The following MYOF variants were observed in gnomAD, a reference collection of about 807,000 sequenced individuals.
The protein encoded by MYOF is fer-1-like 3, myoferlin.
In MYOF, 244 loss-of-function variants were observed where a neutral mutation model predicts 284.2. The observed-to-expected ratio is 0.86, with a 90% CI of 0.77 to 0.95. The LOEUF is 0.95. Among genes scored for constraint, MYOF ranks in the 40% least tolerant of loss-of-function variants. The probability of loss-of-function intolerance (pLI) is 0.00; values close to 1 mark genes in which losing one functional copy is unlikely to be tolerated. For missense variants in MYOF, 2,496 were observed against 2,560.6 expected (o/e 0.97, Z 0.54); for synonymous variants, 904 against 919.7 (o/e 0.98, Z 0.31).
intron 3 of MYOF, among the ~76,000 whole-genome samples, chr10:93,445,319 T>C (rs1005200072): frequency 2.0e-5 from 3 of 152,098 alleles, no homozygotes; most frequent in Non-Finnish European, 2.9e-5. Flanking sequence ...TCATATGAGG[T>C]GTGTGTGAGG....
chr10:93,478,157 A>C, intron 1 of MYOF: 1 of 273,196 alleles, frequency 3.7e-6, no homozygotes, highest in Non-Finnish European at 7.2e-6. Context: ...ATATTATTTA[A>C]AATTAAAAAG....
chr10:93,479,690 T>C lies in MYOF; in HGVS notation c.88+2417A>G, dbSNP rs115934626. Among the ~76,000 whole-genome samples, 454 of 152,316 alleles carry C rather than the reference T, an allele frequency of 3.0e-3. 6 individuals carry two copies. The highest frequency in any genetic ancestry group is 0.01 in the African/African-American group (429 of 41,568). ...CTGAGAAATTGGAGACCCAGGTGGT[T>C]AAATCAGATATTGAGTTAATGTCAG... is the stretch of plus-strand genomic sequence containing the variant. On this transcript the variant is annotated intron_variant, in intron 1 of 53. Coordinates refer to ENST00000359263, the MANE Select transcript of MYOF (RefSeq NM_013451.4).
intron 3 of MYOF, among the ~76,000 whole-genome samples, chr10:93,442,041 C>CACACAG (rs57700900): frequency 4.3e-4 from 61 of 142,730 alleles, no homozygotes; most frequent in African/African-American, 1.1e-3. Flanking sequence ...CACACACACA[C>CACACAG]AGAATAAACC....
chr10:93,316,670 CA>C, intron 50 of MYOF, 43 bp downstream of exon 50: 1 of 1,515,872 alleles, frequency 6.6e-7, no homozygotes, highest in South Asian at 1.1e-5. Context: ...CCACTAATTC[CA>C]AGTACAGTTT....
intron 18 of MYOF, among the ~76,000 whole-genome samples, chr10:93,388,236 T>C (rs1275895761): frequency 4.2e-5 from 2 of 48,088 alleles, no homozygotes; most frequent in Admixed American, 2.9e-4. Flanking sequence ...GGGTGGGGGG[T>C]GGATGGGGCT....
chr10:93,361,649 G>T, intron 27 of MYOF, 92 bp from the exon 28 acceptor site: 1 of 1,107,698 alleles, frequency 9.0e-7, no homozygotes, highest in Non-Finnish European at 1.3e-6. Flanking sequence ...TTTAACTATG[G>T]CATTCACACC....
intron 37 of MYOF, among the ~76,000 whole-genome samples, chr10:93,345,872 C>T (rs1844163060): frequency 6.6e-6 from 1 of 152,156 alleles, no homozygotes; most frequent in Non-Finnish European, 1.5e-5. Flanking sequence ...GAATTGCTAG[C>T]CAGGGCAGTC....
rs1312233799 is a variant in MYOF, at chr10:93,462,086, GC to G, written c.89-5150del. On this transcript the variant is annotated intron_variant, in intron 1 of 53. Transcript: ENST00000359263. The stretch of plus-strand genomic sequence containing the variant: ...CTCACTGCAGGCTGGGCATTGCTAA[GC>G]CCCCCACCTTTTTTTTTTTTTGAGT... 2.0e-4 allele frequency among the ~76,000 whole-genome samples: 16 copies of G among 80,160 alleles called. No individual in the cohort carries two copies. In the Admixed American group the frequency reaches 3.0e-3, roughly 15 times the overall value. The allele number at this position is 80,160 out of a possible 152,430, so 52.6% of individuals were successfully genotyped here.
chr10:93,323,242 T>G (rs1004773035), intron 47 of MYOF, 28 bp downstream of exon 47: 1 of 1,613,690 alleles, frequency 6.2e-7, no homozygotes, highest in Non-Finnish European at 8.5e-7. Context: ...CCAGTGTATG[T>G]ATCAGGGTCT....
At chr10:93,359,675 A>T (rs1844975905) in intron 29 of MYOF, among the ~76,000 whole-genome samples, 158 bp downstream of exon 29, 1 of 152,152 alleles carries the variant, frequency 6.6e-6, no homozygotes, top group Non-Finnish European at 1.5e-5. Flanking sequence ...GGTGATGATG[A>T]TATTGCTGGC....
intron 38 of MYOF, among the ~76,000 whole-genome samples, chr10:93,342,642 G>A (rs74150203): frequency 0.069 from 10,538 of 152,222 alleles, 966 homozygotes; most frequent in African/African-American, 0.22. Context: ...GGCATAGCTT[G>A]TTGACTTTAT....
intron 1 of MYOF, among the ~76,000 whole-genome samples, chr10:93,472,466 C>A (rs533677529): frequency 6.6e-6 from 1 of 152,134 alleles, no homozygotes; most frequent in South Asian, 2.1e-4. Context: ...TAGTGAAACC[C>A]CTCCTCTACT....
At chr10:93,313,331 G>A in intron 50 of MYOF, 121 bp from the exon 51 acceptor site, 1 of 919,182 alleles carries the variant, frequency 1.1e-6, no homozygotes, top group South Asian at 2.4e-5. Context: ...GGTAAATGGT[G>A]AGTTAGAGAA....
At chr10:93,359,794 G>A in intron 29 of MYOF, 39 bp downstream of exon 29, 1 of 1,611,544 alleles carries the variant, frequency 6.2e-7, no homozygotes, top group Non-Finnish European at 8.5e-7. Context: ...CAGGAGGGCA[G>A]AGCTCCCCAG....
Position 93,377,335 on chromosome 10 carries a change from A to G in MYOF, c.2096T>C (p.Ile699Thr), listed in dbSNP as rs1845880238. ...AAGATCACTGTACCTCGTGTCTTCT[A>G]TAACTTCATCTATCAGCTTCAGCCA... Reference protein sequence around the residue: ...ELWLKLIDEVIEDTRYTLPLT... With the variant: ...ELWLKLIDEVTEDTRYTLPLT... The change falls in exon 22 of 54, where the codon ATA becomes ACA. Residue 699 changes from isoleucine to threonine, a missense_variant. This residue lies in a region of MYOF where 2,436 missense variants were observed against 2,480.7 expected (regional missense o/e 0.98). Coordinates refer to ENST00000359263, the MANE Select transcript of MYOF (RefSeq NM_013451.4). 1 of 1,613,684 alleles carries G rather than the reference A, an allele frequency of 6.2e-7. No homozygotes were observed. The highest frequency in any genetic ancestry group is 1.7e-5 in the Admixed American group (1 of 60,006).
intron 3 of MYOF, among the ~76,000 whole-genome samples, chr10:93,436,518 A>G (rs1160360287): frequency 6.6e-6 from 1 of 152,214 alleles, no homozygotes; most frequent in East Asian, 1.9e-4. Flanking sequence ...GTGTGTTTAG[A>G]TGACGGCCTG....
rs780661205 is a variant in MYOF at position 93,329,704 on chromosome 10, G to A, written c.4942C>T (p.Arg1648Cys). 29 of 1,614,054 alleles carry A rather than the reference G, an allele frequency of 1.8e-5. No homozygotes were observed. The highest frequency in any genetic ancestry group is 1.2e-4 in the South Asian group (11 of 91,088). ...GGTATGCCGCAGTGGGACCCAAAGC[G>A]GGAAAGGAATCGGTTTTCCAGATCA... ...IIDLENRFLS[R>C]FGSHCGIPEE... The change falls in exon 44 of 54, where the codon CGC (arginine) becomes TGC (cysteine). Residue 1648 changes from arginine (R) to cysteine (C), a missense_variant. Around this residue, in one of 3 missense-constraint regions of MYOF, gnomAD observed 2,436 missense variants for 2,480.7 expected, o/e 0.98. Coordinates refer to ENST00000359263, the MANE Select transcript of MYOF (RefSeq NM_013451.4).
intron 4 of MYOF, among the ~76,000 whole-genome samples, chr10:93,426,929 C>A (rs1338092881): frequency 6.9e-6 from 1 of 144,184 alleles, no homozygotes; most frequent in Non-Finnish European, 1.5e-5. Context: ...ACTCTGTCGC[C>A]CAGGCTGGAG....
At chr10:93,315,525 G>A (rs1470105230) in intron 50 of MYOF, among the ~76,000 whole-genome samples, 1 of 152,144 alleles carries the variant, frequency 6.6e-6, no homozygotes, top group Non-Finnish European at 1.5e-5. Context: ...GAGGAGAGCA[G>A]GGGTGAGGTC....
Sources: gnomAD v4.1 joint callset for allele counts (sites outside exome capture counted in the v4.1 genomes callset) on GRCh38, gnomAD v4.1.1 for gene constraint, gnomAD v4.1.1 regional missense constraint, MANE v1.5 for transcripts, NCBI Gene and HGNC (gene_info 2026-07-23, HGNC 2026-07-21) for gene names.